Variants in MMP28 observed in about 807,000 individuals in gnomAD.
MMP28 encodes the protein matrix metalloproteinase-28.
MMP28 carries 55 observed loss-of-function variants against 60.5 expected under a neutral mutation model. That is an observed-to-expected ratio of 0.91 (90% CI 0.73 to 1.14). The LOEUF (loss-of-function observed/expected upper bound fraction) is 1.14, where lower values mean the gene tolerates loss of function less well. MMP28 is among the 50% of genes most tolerant of loss of function. The pLI, the probability that MMP28 is intolerant of heterozygous loss-of-function variation, is 0.00. For missense variants in MMP28, 686 were observed against 738.3 expected, an observed-to-expected ratio of 0.93 and a Z score of 0.82; for synonymous variants, 318 against 312.5, an observed-to-expected ratio of 1.02 and a Z score of -0.18.
At chr17:35,785,245 G>A (rs187475592) in intron 1 of MMP28, among the ~76,000 whole-genome samples, 133 of 152,254 alleles carry the variant, frequency 8.7e-4, no homozygotes, top group African/African-American at 2.9e-3. Flanking sequence ...GGCCATTTCT[G>A]CGCAGGGCAG....
chr17:35,763,396 T>C (rs1356247283), downstream of MMP28, among the ~76,000 whole-genome samples: 3 of 143,264 alleles, frequency 2.1e-5, no homozygotes, highest in Non-Finnish European at 3.0e-5. Context: ...CACCTCAGCC[T>C]CCCAAGTAGC....
intron 2 of MMP28, among the ~76,000 whole-genome samples, chr17:35,760,549 G>T (rs2085798630): frequency 6.6e-6 from 1 of 152,206 alleles, no homozygotes; most frequent in Non-Finnish European, 1.5e-5. Flanking sequence ...CTTCCCATAG[G>T]CCAGGTAAAG....
Position 35,770,109 on chromosome 17 carries a change from G to C in MMP28, c.808C>G (p.Leu270Val), listed in dbSNP as rs1261000457. The C allele has an allele frequency of 2.5e-6, 4 of 1,603,816 alleles. No individual in the cohort carries two copies. The highest frequency in any genetic ancestry group is 2.7e-5 in the African/African-American group (2 of 74,770). Residue 270 changes from leucine (L) to valine (V), a missense_variant, in exon 5 of 8, where the codon CTG becomes GTG. Physicochemically the swap from Leu to Val is conservative, Grantham distance 32. Coordinates refer to ENST00000605424, the MANE Select transcript of MMP28 (RefSeq NM_024302.5). ...PYYKRLGRDA[L>V]LSWDDVLAVQ... The stretch of plus-strand genomic sequence containing the variant: ...GCCAGCACGTCGTCCCAGCTGAGCA[G>C]CGCGTCGCGGCCCAGCCTCTTGTAG...
At chr17:35,777,673 C>A (rs1255240464) in intron 3 of MMP28, among the ~76,000 whole-genome samples, 1 of 152,186 alleles carries the variant, frequency 6.6e-6, no homozygotes, top group Non-Finnish European at 1.5e-5. Flanking sequence ...GGTTAAAAAC[C>A]CCCATCTTGT....
At chr17:35,784,449 G>A (rs551524472) in intron 1 of MMP28, among the ~76,000 whole-genome samples, 12 of 152,282 alleles carry the variant, frequency 7.9e-5, no homozygotes, top group African/African-American at 2.6e-4. Context: ...CTGTGGAGTG[G>A]AGGCAGATCC....
At chr17:35,780,876 G>T (rs2086479003) in intron 1 of MMP28, among the ~76,000 whole-genome samples, 1 of 151,922 alleles carries the variant, frequency 6.6e-6, no homozygotes, top group Non-Finnish European at 1.5e-5. Context: ...ACATAAATTG[G>T]TACTATGAAG....
At chr17:35,762,882 T>C (rs1555601757), downstream of MMP28, among the ~76,000 whole-genome samples, 1 of 152,010 alleles carries the variant, frequency 6.6e-6, no homozygotes, top group Non-Finnish European at 1.5e-5. Context: ...TCCTAGCACT[T>C]TGGGAGGCCG....
chr17:35,764,720 C>A, downstream of MMP28: 1 of 1,288,798 alleles, frequency 7.8e-7, no homozygotes, highest in Non-Finnish European at 1.0e-6. Context: ...ACGCATTCCG[C>A]AGGACCGCCC....
downstream of MMP28, chr17:35,763,880 G>A (rs1302263845): frequency 1.3e-5 from 10 of 749,252 alleles, no homozygotes; most frequent in Admixed American, 9.4e-5. Context: ...CTGAGCTACA[G>A]AGAGAGACCC....
intron 1 of MMP28, among the ~76,000 whole-genome samples, chr17:35,793,258 A>G (rs1014685498): frequency 6.6e-6 from 1 of 152,190 alleles, no homozygotes; most frequent in Non-Finnish European, 1.5e-5. Context: ...AGCATACCCC[A>G]AGATGAAATT....
chr17:35,759,486 C>A, intron 2 of MMP28, among the ~76,000 whole-genome samples: 2 of 152,192 alleles, frequency 1.3e-5, no homozygotes, highest in South Asian at 4.1e-4. Flanking sequence ...CAGATTACGA[C>A]GTCAGGAGAT....
Position 35,770,282 on chromosome 17 carries a change from C to T in MMP28, c.635G>A (p.Arg212His), listed in dbSNP as rs1000026322. ...TTGGTCGAAGTGCGCTTCGCCGCGG[C>T]GGGGCAGGAAGGCGTGCGCCAGGGC... ...GGALAHAFLP[R>H]RGEAHFDQDE... The change falls in exon 5 of 8, where the codon CGC (arginine) becomes CAC (histidine). Residue 212 changes from arginine (R) to histidine (H), a missense_variant. Coordinates refer to ENST00000605424, the MANE Select transcript of MMP28 (RefSeq NM_024302.5). The T allele has an allele frequency of 3.0e-5, 47 of 1,554,972 alleles. No individual in the cohort carries two copies. The highest frequency in any genetic ancestry group is 4.0e-5 in the Non-Finnish European group (46 of 1,158,702).
intron 3 of MMP28, among the ~76,000 whole-genome samples, chr17:35,773,627 C>T (rs538740475): frequency 6.6e-6 from 1 of 152,270 alleles, no homozygotes; most frequent in East Asian, 1.9e-4. Context: ...CTGGACAGTC[C>T]CCAGTACAGT....
At chr17:35,760,885 G>A (rs2085803215), downstream of MMP28, 20 of 1,608,788 alleles carry the variant, frequency 1.2e-5, no homozygotes, top group Non-Finnish European at 1.7e-5. Context: ...TGGGTTCTGG[G>A]CACCCTCTCA....
rs528953910 is a variant in MMP28 at position 35,791,414 on chromosome 17, T to C, written c.111+3853A>G. On this transcript the variant is annotated intron_variant, in intron 1 of 7. Transcript: ENST00000605424. ...TTAGTTGGGCATGGTGGTGCGTGTC[T>C]GTAGTTCCAGGTACTCAGGAGGCTG... Among the ~76,000 whole-genome samples, 25 of 152,174 alleles carry C rather than the reference T, an allele frequency of 1.6e-4. 1 individual carries two copies. In the South Asian group the frequency reaches 5.2e-3, roughly 32 times the overall value.
At chr17:35,794,968 G>A (rs1468466848) in intron 1 of MMP28, among the ~76,000 whole-genome samples, 1 of 152,192 alleles carries the variant, frequency 6.6e-6, no homozygotes, top group Non-Finnish European at 1.5e-5. Context: ...AGGTGGTGAG[G>A]GAGAGTGGCC....
intron 5 of MMP28, among the ~76,000 whole-genome samples, chr17:35,768,965 C>T (rs1555604510): frequency 6.6e-6 from 1 of 152,138 alleles, no homozygotes; most frequent in East Asian, 1.9e-4. Context: ...GTCAGGGAGT[C>T]CTCTTCTCTG....
chr17:35,795,321 G>T lies in MMP28; in HGVS notation c.57C>A (p.His19Gln). Residue 19 changes from histidine to glutamine, a missense_variant, in exon 1 of 8, where the codon CAC becomes CAA. By Grantham distance (24) the His-to-Gln change is conservative. Transcript: ENST00000605424. The part of the protein sequence containing the change: ...LRALQLLLWG[H>Q]LDAQPAERGG... Reference sequence around the variant, plus strand: ...CGCGCTCCGCGGGCTGGGCGTCCAGGTGGCCCCACAGTAGCAGCTGCAGGG... The same window carrying T: ...CGCGCTCCGCGGGCTGGGCGTCCAGTTGGCCCCACAGTAGCAGCTGCAGGG... The T allele has an allele frequency of 1.4e-6, 2 of 1,466,742 alleles. No individual in the cohort carries two copies. Among genetic ancestry groups the T allele is most frequent in the East Asian group, 3.0e-5 (1 of 33,492 alleles). 90.9% of individuals were successfully genotyped at this position (1,466,742 alleles called of 1,614,324 possible). A position where few individuals can be genotyped will look rare whatever the true frequency, so the allele number is the denominator to read the frequency against.
downstream of MMP28, among the ~76,000 whole-genome samples, chr17:35,762,429 T>A (rs2085838607): frequency 2.0e-5 from 3 of 152,144 alleles, no homozygotes; most frequent in Non-Finnish European, 4.4e-5. Flanking sequence ...GTTTGCTGAA[T>A]GGGCGGCGGA....
Sources: gnomAD v4.1 joint callset for allele counts (sites outside exome capture counted in the v4.1 genomes callset) on GRCh38, gnomAD v4.1.1 for gene constraint, MANE v1.5 for transcripts, NCBI Gene and HGNC (gene_info 2026-07-23, HGNC 2026-07-21) for gene names.